Variants in RHOG observed in about 807,000 individuals in gnomAD.
RHOG encodes ras homolog family member G, also known as rho-related GTP-binding protein RhoG.
Under a neutral mutation model 12.3 loss-of-function variants are expected in RHOG, and 1 was observed. The observed-to-expected ratio is 0.08, with a 90% CI of 0.03 to 0.39. The LOEUF (loss-of-function observed/expected upper bound fraction) is 0.39. RHOG is among the 10% of genes least tolerant of loss of function. The pLI, the probability that RHOG is intolerant of heterozygous loss-of-function variation, is 0.99. For missense variants in RHOG, 114 were observed against 266.2 expected (o/e 0.43, Z 3.98); for synonymous variants, 129 against 116.0 (o/e 1.11, Z -0.72).
At chr11:3,828,647 A>G (rs1039590105) in intron 1 of RHOG, among the ~76,000 whole-genome samples, 5 of 130,352 alleles carry the variant, frequency 3.8e-5, no homozygotes, top group East Asian at 4.1e-4. Flanking sequence ...TTTTTGAGAC[A>G]GAGTCTCACT....
At chr11:3,835,297 C>T (rs182528998) in intron 1 of RHOG, among the ~76,000 whole-genome samples, 1 of 152,316 alleles carries the variant, frequency 6.6e-6, no homozygotes, top group Non-Finnish European at 1.5e-5. Context: ...GACTCACCCC[C>T]CTTCAGATCC....
Position 3,828,139 on chromosome 11 carries a change from C to T in RHOG, c.-1G>A, listed in dbSNP as rs778753436. 1.6e-5 allele frequency: 26 copies of T among 1,611,360 alleles called. No homozygotes were observed. Among genetic ancestry groups the T allele is most frequent in the South Asian group, 5.5e-5 (5 of 90,954 alleles). ...CCACCACGCACTTGATGCTCTGCAT[C>T]GTGGGTGCAGTTGCTGTAGTGGAGG... is the stretch of plus-strand genomic sequence containing the variant. On this transcript the variant is annotated 5_prime_UTR_variant, in exon 2 of 2. Coordinates refer to ENST00000351018, the MANE Select transcript of RHOG (RefSeq NM_001665.4).
At chr11:3,835,704 G>A (rs2090151888) in intron 1 of RHOG, among the ~76,000 whole-genome samples, 1 of 152,214 alleles carries the variant, frequency 6.6e-6, no homozygotes, top group Non-Finnish European at 1.5e-5. Flanking sequence ...GGCAGATCTA[G>A]CTCAGAGATG....
At chr11:3,833,704 T>C (rs963713377) in intron 1 of RHOG, among the ~76,000 whole-genome samples, 5 of 152,218 alleles carry the variant, frequency 3.3e-5, no homozygotes, top group African/African-American at 1.2e-4. Context: ...ACTAAGTGCA[T>C]TAATGTATAA....
intron 1 of RHOG, among the ~76,000 whole-genome samples, chr11:3,836,990 C>T (rs1306948347): frequency 6.6e-6 from 1 of 151,748 alleles, no homozygotes. Context: ...TGCCCCCTCC[C>T]CCACGCAGCA....
chr11:3,837,912 C>G (rs1168831376), intron 1 of RHOG: 1 of 152,482 alleles, frequency 6.6e-6, no homozygotes, highest in Non-Finnish European at 1.5e-5. Flanking sequence ...CTGGCCCTGC[C>G]CTAGCTGAGA....
In RHOG at chr11:3,827,626, C is replaced by T. The variant is rs528222003; in HGVS notation, c.513G>A (p.Glu171=). 3.9e-4 allele frequency: 628 copies of T among 1,613,288 alleles called. 8 individuals carry two copies. In the South Asian group the frequency reaches 6.5e-3, roughly 17 times the overall value. Residue 171 remains glutamate, a synonymous_variant, in exon 2 of 2, where the codon GAG becomes GAA. Transcript: ENST00000351018. The surrounding 1 kb of genome is among the most constrained non-coding windows in gnomAD (Gnocchi z 7.3). ...QQDGVKEVFA[E]AVRAVLNPTP... is the part of the protein sequence containing the mutation. The stretch of plus-strand genomic sequence containing the variant: ...TGGGGTTGAGCACAGCCCGGACAGC[C>T]TCGGCGAACACTTCCTTGACACCAT...
At chr11:3,832,959 G>C (rs1474700441) in intron 1 of RHOG, among the ~76,000 whole-genome samples, 1 of 152,030 alleles carries the variant, frequency 6.6e-6, no homozygotes, top group Admixed American at 6.6e-5. Flanking sequence ...CTGGGCCCAG[G>C]AGTGAAGGGT....
intron 1 of RHOG, among the ~76,000 whole-genome samples, chr11:3,835,800 A>G (rs1421511972): frequency 6.6e-6 from 1 of 152,144 alleles, no homozygotes; most frequent in African/African-American, 2.4e-5. Flanking sequence ...ATGGCAAGGG[A>G]CAGGGGCACT....
intron 1 of RHOG, among the ~76,000 whole-genome samples, chr11:3,835,076 T>G (rs1294091112): frequency 6.6e-6 from 1 of 152,186 alleles, no homozygotes; most frequent in Non-Finnish European, 1.5e-5. Flanking sequence ...ATCCAAAGTC[T>G]GGTCCCTGTC....
chr11:3,836,213 C>T lies in RHOG; in HGVS notation c.-69+4681G>A, dbSNP rs1460598167. Among the ~76,000 whole-genome samples the T allele has an allele frequency of 2.0e-5, 3 of 151,300 alleles. No individual in the cohort carries two copies. The East Asian group carries it at 5.8e-4, about 29-fold the overall frequency. ...ACTAAAAATACAAAAATTAGCTGGG[C>T]GTAGTGGTGGGATTACGCCTGTAAT... On this transcript the variant is annotated intron_variant, in intron 1 of 1. Coordinates refer to ENST00000351018, the MANE Select transcript of RHOG (RefSeq NM_001665.4).
chr11:3,839,937 C>T (rs1037247958), intron 1 of RHOG, among the ~76,000 whole-genome samples: 1 of 151,862 alleles, frequency 6.6e-6, no homozygotes, highest in Non-Finnish European at 1.5e-5. Context: ...CAGGTCAAGG[C>T]CTAGGTATGA....
Position 3,828,011 on chromosome 11 carries a change from T to C in RHOG, c.128A>G (p.Gln43Arg). The C allele has an allele frequency of 3.7e-6, 6 of 1,614,280 alleles. No individual in the cohort carries two copies. The highest frequency in any genetic ancestry group is 5.1e-6 in the Non-Finnish European group (6 of 1,180,044). The change falls in exon 2 of 2, where the codon CAG (glutamine) becomes CGG (arginine). Residue 43 changes from glutamine to arginine, a missense_variant. By Grantham distance (43) the Gln-to-Arg change is conservative (BLOSUM62 1). Coordinates refer to ENST00000351018, the MANE Select transcript of RHOG (RefSeq NM_001665.4). ...IPTVFDNYSA[Q>R]SAVDGRTVNL... Reference sequence around the variant, plus strand: ...CACTGTGCGCCCGTCAACTGCGCTCTGCGCGCTGTAATTGTCGAACACGGT... The same window carrying C: ...CACTGTGCGCCCGTCAACTGCGCTCCGCGCGCTGTAATTGTCGAACACGGT...
intron 1 of RHOG, 104 bp from the exon 2 acceptor site, chr11:3,828,310 C>G (rs1230331552): frequency 1.3e-5 from 8 of 619,552 alleles, no homozygotes; most frequent in Non-Finnish European, 2.3e-5. Context: ...TTCCCTTAAC[C>G]TGACACTATC....
rs112483411 is a variant in RHOG at position 3,839,602 on chromosome 11, A to AACACACACACACACACACACACAC, written c.-69+1268_-69+1291dup. ...ACACGCGCGTGCGAACACACACGCA[A>AACACACACACACACACACACACAC]ACACACACACACACACACACACACA... On this transcript the variant is annotated intron_variant, in intron 1 of 1. Coordinates refer to ENST00000351018, the MANE Select transcript of RHOG (RefSeq NM_001665.4). 7.3e-4 allele frequency among the ~76,000 whole-genome samples: 103 copies of AACACACACACACACACACACACAC among 141,696 alleles called. 1 individual carries two copies. The highest frequency in any genetic ancestry group is 2.5e-3 in the African/African-American group (96 of 38,200). 93.0% of individuals were successfully genotyped at this position (141,696 alleles called of 152,430 possible). A position where few individuals can be genotyped will look rare whatever the true frequency, so the allele number is the denominator to read the frequency against.
intron 1 of RHOG, among the ~76,000 whole-genome samples, chr11:3,838,622 C>T (rs1039486680): frequency 1.3e-5 from 2 of 151,920 alleles, no homozygotes; most frequent in South Asian, 2.1e-4. Flanking sequence ...GGAAGAAGAA[C>T]AATTCATGGG....
At chr11:3,835,945 G>T (rs1237261455) in intron 1 of RHOG, among the ~76,000 whole-genome samples, 1 of 152,042 alleles carries the variant, frequency 6.6e-6, no homozygotes. Flanking sequence ...GAAGCTGGGG[G>T]AGACATGAGG....
chr11:3,833,761 T>G (rs557776354), intron 1 of RHOG, among the ~76,000 whole-genome samples: 2 of 152,372 alleles, frequency 1.3e-5, no homozygotes, highest in East Asian at 3.9e-4. Context: ...CCCAGCTCCC[T>G]GTTCCAGAGG....
chr11:3,836,378 G>GA (rs60712252), intron 1 of RHOG, among the ~76,000 whole-genome samples: 80,569 of 143,866 alleles, frequency 0.56, 23,528 homozygotes, highest in Non-Finnish European at 0.65. Context: ...AAAAAAGAAA[G>GA]AAAAAATCCA....
Sources: gnomAD v4.1 joint callset for allele counts (sites outside exome capture counted in the v4.1 genomes callset) on GRCh38, gnomAD v4.1.1 for gene constraint, Gnocchi (gnomAD v3.1) non-coding constraint, MANE v1.5 for transcripts, NCBI Gene and HGNC (gene_info 2026-07-23, HGNC 2026-07-21) for gene names.